ARMH3: variants seen among roughly 807,000 people sequenced by gnomAD.
ARMH3 encodes the protein armadillo like helical domain containing 3.
In ARMH3, 60 loss-of-function variants were observed where a neutral mutation model predicts 99.1. The ratio of observed to expected loss-of-function variants is 0.61; its 90% confidence interval spans 0.49 to 0.75. ARMH3 has a LOEUF of 0.75. ARMH3 is among the 30% of genes least tolerant of loss of function. The probability of loss-of-function intolerance (pLI) is 0.00; values close to 1 mark genes in which losing one functional copy is unlikely to be tolerated. For synonymous variants in ARMH3, 285 were observed against 292.8 expected (o/e 0.97, Z 0.27); for missense variants, 679 against 843.1 (o/e 0.81, Z 2.41).
At chr10:101,939,998 G>T in intron 22 of ARMH3, 60 bp from the exon 23 acceptor site, 1 of 1,404,650 alleles carries the variant, frequency 7.1e-7, no homozygotes. Flanking sequence ...CAAACATGAG[G>T]AATGAAGACA....
chr10:102,036,255 T>TG (rs559468066), intron 2 of ARMH3, among the ~76,000 whole-genome samples: 1 of 121,622 alleles, frequency 8.2e-6, no homozygotes, highest in Non-Finnish European at 1.7e-5. Flanking sequence ...GGGAGGGAGA[T>TG]GGGGGGGCAC....
chr10:101,904,372 T>C (rs575400977), intron 23 of ARMH3, among the ~76,000 whole-genome samples: 1 of 152,160 alleles, frequency 6.6e-6, no homozygotes, highest in South Asian at 2.1e-4. Flanking sequence ...CTAGCTTACA[T>C]AAATGACAGC....
intron 23 of ARMH3, among the ~76,000 whole-genome samples, chr10:101,920,183 T>C (rs970379790): frequency 2.6e-5 from 4 of 152,200 alleles, no homozygotes; most frequent in Admixed American, 6.5e-5. Flanking sequence ...AACAGATAAG[T>C]AGACAGTTGC....
At chr10:101,924,865 G>C (rs1287573290) in intron 23 of ARMH3, among the ~76,000 whole-genome samples, 2 of 151,928 alleles carry the variant, frequency 1.3e-5, no homozygotes, top group Non-Finnish European at 2.9e-5. Context: ...GTGGTGGCAC[G>C]CACATGTAGT....
rs1266106948 is a variant in ARMH3 at position 102,033,335 on chromosome 10, T to C, written c.107A>G (p.Glu36Gly). Residue 36 changes from glutamate to glycine, a missense_variant, in exon 3 of 26, where the codon GAG becomes GGG. Transcript: ENST00000370033. The part of the protein sequence containing the change: ...VLMYDEIFMT[E>G]DPSKCSPRFW... ...CCGAGGACTGCACTTACTGGGGTCCTCTGTCTGAAACCAGAATATAAGCAC... is the reference window on the plus strand; with the variant it reads ...CCGAGGACTGCACTTACTGGGGTCCCCTGTCTGAAACCAGAATATAAGCAC... 1.2e-6 allele frequency: 2 copies of C among 1,613,884 alleles called. No individual in the cohort carries two copies. The highest frequency in any genetic ancestry group is 3.3e-5 in the Admixed American group (2 of 59,926).
intron 20 of ARMH3, among the ~76,000 whole-genome samples, chr10:101,972,912 CATAATT>C (rs1564808492): frequency 6.6e-6 from 1 of 152,182 alleles, no homozygotes; most frequent in African/African-American, 2.4e-5. Context: ...GAGAATAGGA[CATAATT>C]ATAAATAGAG....
chr10:102,050,895 C>A (rs542564191), intron 1 of ARMH3, among the ~76,000 whole-genome samples: 3 of 147,712 alleles, frequency 2.0e-5, no homozygotes, highest in Non-Finnish European at 4.5e-5. Context: ...TGGTGGCTCA[C>A]GCCTGTAATC....
rs1472918351 is a variant in ARMH3, at chr10:101,924,364, C to T, written c.1781+15499G>A. On this transcript the variant is annotated intron_variant, in intron 23 of 25. Transcript: ENST00000370033. The stretch of plus-strand genomic sequence containing the variant: ...TTGGTCTTTGTGCTTTTCTGCATTG[C>T]TTTTTTTTTTTTTTTGAGACAGAGT... Among the ~76,000 whole-genome samples the T allele has an allele frequency of 1.6e-3, 217 of 138,976 alleles. 1 individual carries two copies. The highest frequency in any genetic ancestry group is 5.2e-3 in the African/African-American group (200 of 38,108). 91.2% of individuals were successfully genotyped at this position (138,976 alleles called of 152,430 possible).
chr10:102,013,502 C>T (rs1049250107), intron 9 of ARMH3, among the ~76,000 whole-genome samples: 1 of 152,086 alleles, frequency 6.6e-6, no homozygotes, highest in African/African-American at 2.4e-5. Context: ...CTTCTTCCTC[C>T]CTATATTCAG....
chr10:101,868,466 CA>C (rs1208993811), intron 24 of ARMH3, among the ~76,000 whole-genome samples: 1 of 152,110 alleles, frequency 6.6e-6, no homozygotes, highest in Non-Finnish European at 1.5e-5. Flanking sequence ...TGGATTTCCA[CA>C]AAGTTAGTTA....
intron 24 of ARMH3, among the ~76,000 whole-genome samples, chr10:101,878,449 G>A (rs1389074433): frequency 6.6e-6 from 1 of 151,538 alleles, no homozygotes; most frequent in Non-Finnish European, 1.5e-5. Flanking sequence ...AGCCTAGCCT[G>A]GGCAACATAG....
At chr10:101,990,692 G>A in intron 18 of ARMH3, 81 bp from the exon 19 acceptor site, 1 of 1,105,830 alleles carries the variant, frequency 9.0e-7, no homozygotes, top group South Asian at 1.3e-5. Context: ...AAGCTTCTGA[G>A]TACACCTTGC....
intron 22 of ARMH3, 74 bp downstream of exon 22, chr10:101,956,523 C>T (rs539817431): frequency 3.2e-6 from 5 of 1,547,160 alleles, no homozygotes; most frequent in East Asian, 4.5e-5. Context: ...GAGAATCTTT[C>T]GTAGTCTTTT....
chr10:101,876,187 T>TGA (rs1271261212), intron 24 of ARMH3, among the ~76,000 whole-genome samples: 3 of 133,846 alleles, frequency 2.2e-5, no homozygotes, highest in Admixed American at 9.0e-5. Context: ...AGGCGGAGAT[T>TGA]GCAGTAAGCT....
chr10:101,866,826 C>T (rs1390175837), intron 24 of ARMH3, among the ~76,000 whole-genome samples: 1 of 152,070 alleles, frequency 6.6e-6, no homozygotes, highest in East Asian at 1.9e-4. Context: ...CCTCTGCCAA[C>T]CAAGAGGCAA....
At chr10:101,991,859 T>A (rs1224108683) in intron 18 of ARMH3, 110 bp downstream of exon 18, 1 of 1,110,470 alleles carries the variant, frequency 9.0e-7, no homozygotes, top group African/African-American at 1.6e-5. Context: ...AAAACACAAC[T>A]AATAATTTAT....
At chr10:102,054,777 T>A (rs992844993) in intron 1 of ARMH3, among the ~76,000 whole-genome samples, 1 of 150,750 alleles carries the variant, frequency 6.6e-6, no homozygotes, top group Non-Finnish European at 1.5e-5. Flanking sequence ...GGGTGAATCA[T>A]CTGAGGTCAG....
chr10:102,011,590 C>G, intron 11 of ARMH3, 133 bp downstream of exon 11: 1 of 626,292 alleles, frequency 1.6e-6, no homozygotes, highest in Non-Finnish European at 2.7e-6. Context: ...CCAAGAAAAT[C>G]TGCTCTGAGC....
At chr10:102,004,177 A>G (rs973693584) in intron 14 of ARMH3, among the ~76,000 whole-genome samples, 1 of 152,228 alleles carries the variant, frequency 6.6e-6, no homozygotes, top group African/African-American at 2.4e-5. Flanking sequence ...TGTTATAGCT[A>G]AACTGCCGGC....
Sources: gnomAD v4.1 joint callset for allele counts (sites outside exome capture counted in the v4.1 genomes callset) on GRCh38, gnomAD v4.1.1 for gene constraint, MANE v1.5 for transcripts, NCBI Gene and HGNC (gene_info 2026-07-23, HGNC 2026-07-21) for gene names.